U2AF2: variants seen among roughly 807,000 people sequenced by gnomAD.
U2AF2 encodes the protein splicing factor U2AF 65 kDa subunit.
U2AF2 carries 6 observed loss-of-function variants against 52.6 expected under a neutral mutation model. The ratio of observed to expected loss-of-function variants is 0.11; its 90% confidence interval spans 0.06 to 0.23. The LOEUF is 0.23. Ranked by LOEUF, U2AF2 falls within the 10% of genes least tolerant of loss-of-function variation. U2AF2 has a pLI of 1.00. For missense variants in U2AF2, 222 were observed against 677.1 expected, an observed-to-expected ratio of 0.33 and a Z score of 7.46; for synonymous variants, 284 against 258.2, an observed-to-expected ratio of 1.10 and a Z score of -0.96.
rs73936311 is a variant in U2AF2 at position 55,661,162 on chromosome 19, G to A, written c.459G>A (p.Val153=). ...CCAGACAAGCCCGGCGCCTCTACGTGGGCAACATCCCCTTTGGCATCACTG... is the reference window on the plus strand; with the variant it reads ...CCAGACAAGCCCGGCGCCTCTACGTAGGCAACATCCCCTTTGGCATCACTG... ...QMTRQARRLY[V]GNIPFGITEE... The change falls in exon 5 of 12, where the codon GTG becomes GTA. Residue 153 remains valine, a synonymous_variant. Transcript: ENST00000308924. 3 of 1,609,780 alleles carry A rather than the reference G, an allele frequency of 1.9e-6. No individual in the cohort carries two copies. Among genetic ancestry groups the A allele is most frequent in the Admixed American group, 1.7e-5 (1 of 59,762 alleles).
At chr19:55,660,383 T>C in intron 3 of U2AF2, 133 bp from the exon 4 acceptor site, 2 of 1,084,816 alleles carry the variant, frequency 1.8e-6, no homozygotes, top group Non-Finnish European at 2.7e-6. Flanking sequence ...CCCCAGACCC[T>C]CTCCTTCCCT....
intron 10 of U2AF2, 51 bp downstream of exon 10, chr19:55,669,232 C>G (rs766793849): frequency 2.3e-5 from 37 of 1,598,512 alleles, no homozygotes; most frequent in Middle Eastern, 3.3e-4. Flanking sequence ...GAGGGGCTGG[C>G]TAGTAGGGGA....
intron 6 of U2AF2, among the ~76,000 whole-genome samples, chr19:55,663,376 G>A (rs1207463927): frequency 6.6e-6 from 1 of 152,180 alleles, no homozygotes; most frequent in Non-Finnish European, 1.5e-5. Flanking sequence ...CTGCAATTGT[G>A]TGTTTGCCTC....
intron 10 of U2AF2, 82 bp from the exon 11 acceptor site, chr19:55,669,362 G>C (rs1377667037): frequency 2.6e-6 from 4 of 1,543,722 alleles, no homozygotes; most frequent in Non-Finnish European, 2.6e-6. Flanking sequence ...CCCCTGGGGG[G>C]GCATGTGAGG....
At chr19:55,662,464 TC>T in intron 5 of U2AF2, 37 bp from the exon 6 acceptor site, 1 of 613,014 alleles carries the variant, frequency 1.6e-6, no homozygotes, top group Admixed American at 2.3e-5. Flanking sequence ...CCACCTCCCT[TC>T]CCCCGCCCCC....
chr19:55,656,495 AT>A (rs112457803), intron 1 of U2AF2, among the ~76,000 whole-genome samples: 7,969 of 152,080 alleles, frequency 0.052, 444 homozygotes, highest in East Asian at 0.3. Flanking sequence ...ACGTTTATAT[AT>A]TTTTTTCCAT....
chr19:55,668,489 C>T lies in U2AF2; in HGVS notation c.743-18C>T, dbSNP rs376375846. 24 of 1,562,738 alleles carry T rather than the reference C, an allele frequency of 1.5e-5. No homozygotes were observed. In the African/African-American group the frequency reaches 2.6e-4, roughly 17 times the overall value. The stretch of plus-strand genomic sequence containing the variant: ...AACCTGGTACTGGAATTGAAGTCCT[C>T]CTCTTCTCTACCCATAGGGGTTGTG... On this transcript the variant is annotated intron_variant, in intron 7 of 11. Transcript: ENST00000308924. The surrounding 1 kb of genome is among the most constrained non-coding windows in gnomAD (Gnocchi z 5.5).
At position 55,668,667 on chromosome 19, in the gene U2AF2, C is replaced by A; in HGVS notation, c.823-3C>A. 1 of 1,609,422 alleles carries A rather than the reference C, an allele frequency of 6.2e-7. No homozygotes were observed. The highest frequency in any genetic ancestry group is 8.5e-7 in the Non-Finnish European group (1 of 1,176,670). ...AGCCCTGATGGACTCTCGGCTACTG[C>A]AGGTCAAAGAGCTGCTGACATCCTT... is the stretch of plus-strand genomic sequence containing the variant. On this transcript the variant is annotated splice_region_variant and splice_polypyrimidine_tract_variant and intron_variant, in intron 8 of 11. Transcript: ENST00000308924. This position sits in a 1 kb window ranked among gnomAD's most constrained non-coding sequence, Gnocchi z 5.5.
rs751304340 is a variant in U2AF2, at chr19:55,655,167, G to C, written c.49+14G>C. On this transcript the variant is annotated intron_variant, in intron 1 of 11. Transcript: ENST00000308924. Reference sequence around the variant, plus strand: ...AGAATAAACAAGGTGAGGGCACCGGGGTCGCGGGGCGGAGGTGTGGGCGGC... The same window carrying C: ...AGAATAAACAAGGTGAGGGCACCGGCGTCGCGGGGCGGAGGTGTGGGCGGC... The C allele has an allele frequency of 6.2e-7, 1 of 1,602,188 alleles. No individual in the cohort carries two copies. The highest frequency in any genetic ancestry group is 1.7e-5 in the Admixed American group (1 of 59,486).
intron 7 of U2AF2, among the ~76,000 whole-genome samples, chr19:55,665,305 A>T (rs1375364994): frequency 6.7e-6 from 1 of 149,152 alleles, no homozygotes; most frequent in Non-Finnish European, 1.5e-5. Flanking sequence ...GCGCTGTCCT[A>T]AGTGCCCTCC....
Position 55,655,166 on chromosome 19 carries a change from G to T in U2AF2, c.49+13G>T. Reference sequence around the variant, plus strand: ...GAGAATAAACAAGGTGAGGGCACCGGGGTCGCGGGGCGGAGGTGTGGGCGG... The same window carrying T: ...GAGAATAAACAAGGTGAGGGCACCGTGGTCGCGGGGCGGAGGTGTGGGCGG... On this transcript the variant is annotated intron_variant, in intron 1 of 11. Coordinates refer to ENST00000308924, the MANE Select transcript of U2AF2 (RefSeq NM_007279.3). 2 of 1,602,468 alleles carry T rather than the reference G, an allele frequency of 1.2e-6. No homozygotes were observed. The highest frequency in any genetic ancestry group is 1.7e-6 in the Non-Finnish European group (2 of 1,175,434).
At position 55,660,170 on chromosome 19, in the gene U2AF2, C is replaced by T. The variant is rs759291262; in HGVS notation, c.186-7C>T. On this transcript the variant is annotated splice_region_variant and splice_polypyrimidine_tract_variant and intron_variant, in intron 2 of 11. Transcript: ENST00000308924. ...CCCTCCCCATACCTTTCCCTCCCAC[C>T]CCCCAGCAAACCTTTGACCAGAGGC... The T allele has an allele frequency of 3.1e-6, 5 of 1,607,656 alleles. No individual in the cohort carries two copies. Among genetic ancestry groups the T allele is most frequent in the South Asian group, 1.1e-5 (1 of 90,540 alleles).
chr19:55,662,471 C>CG, intron 5 of U2AF2, 31 bp from the exon 6 acceptor site: 1 of 1,088,070 alleles, frequency 9.2e-7, no homozygotes, highest in Non-Finnish European at 1.3e-6. Context: ...CCTTCCCCCG[C>CG]CCCCCCCCTT....
At position 55,674,039 on chromosome 19, in the gene U2AF2, G is replaced by T; in HGVS notation, c.1399G>T (p.Asp467Tyr). 1 of 1,535,204 alleles carries T rather than the reference G, an allele frequency of 6.5e-7. No individual in the cohort carries two copies. The highest frequency in any genetic ancestry group is 1.1e-5 in the South Asian group (1 of 90,174). ...RVVVTKYCDPDSYHRRDFW is the reference protein window; with the variant it reads ...RVVVTKYCDPYSYHRRDFW ...GGTTGTCACAAAATACTGTGACCCCGACTCTTATCACCGCCGGGACTTCTG... is the reference window on the plus strand; with the variant it reads ...GGTTGTCACAAAATACTGTGACCCCTACTCTTATCACCGCCGGGACTTCTG... Residue 467 changes from aspartate (D) to tyrosine (Y), a missense_variant, in exon 12 of 12, where the codon GAC (aspartate) becomes TAC (tyrosine). Around this residue, in one of 4 missense-constraint regions of U2AF2, gnomAD observed 71 missense variants for 180.6 expected, o/e 0.39. Transcript: ENST00000308924.
At chr19:55,663,579 C>G (rs758353091) in intron 6 of U2AF2, 27 bp from the exon 7 acceptor site, 3 of 1,609,490 alleles carry the variant, frequency 1.9e-6, no homozygotes, top group Non-Finnish European at 2.5e-6. Flanking sequence ...ACCCCCATCC[C>G]TCACCACTCC....
At position 55,669,091 on chromosome 19, in the gene U2AF2, G is replaced by A. The variant is rs758115483; in HGVS notation, c.954G>A (p.Ala318=). 7 of 1,613,136 alleles carry A rather than the reference G, an allele frequency of 4.3e-6. No individual in the cohort carries two copies. The highest frequency in any genetic ancestry group is 1.1e-5 in the South Asian group (1 of 91,036). The part of the protein sequence containing the change: ...VDINVTDQAI[A]GLNGMQLGDK... Reference sequence around the variant, plus strand: ...TCATCCTCCAAACACAGGCCATTGCGGGGCTGAACGGCATGCAGCTGGGGG... The same window carrying A: ...TCATCCTCCAAACACAGGCCATTGCAGGGCTGAACGGCATGCAGCTGGGGG... The change falls in exon 10 of 12, where the codon GCG becomes GCA. Residue 318 remains alanine (A), a synonymous_variant. Transcript: ENST00000308924.
chr19:55,670,591 C>T, intron 11 of U2AF2: 1 of 244,094 alleles, frequency 4.1e-6, no homozygotes, highest in Non-Finnish European at 8.1e-6. Context: ...TGAGTCGGGG[C>T]AGGGGCCGCA....
chr19:55,662,209 T>G, intron 5 of U2AF2: 1 of 317,638 alleles, frequency 3.1e-6, no homozygotes, highest in African/African-American at 2.1e-5. Flanking sequence ...TGAACAATCT[T>G]CTCCTTTCCC....
chr19:55,661,469 G>A (rs1192798940), intron 5 of U2AF2, among the ~76,000 whole-genome samples: 4 of 146,782 alleles, frequency 2.7e-5, no homozygotes, highest in African/African-American at 5.1e-5. Flanking sequence ...TTGTACCTAC[G>A]TGTCGGAGAG....
Sources: allele counts gnomAD v4.1 joint callset (sites outside exome capture counted in the v4.1 genomes callset), GRCh38; gene constraint gnomAD v4.1.1; regional missense constraint gnomAD v4.1.1; non-coding constraint Gnocchi (gnomAD v3.1); transcripts MANE v1.5; gene names NCBI Gene and HGNC (gene_info 2026-07-23, HGNC 2026-07-21).